The following DYNC2H1 variants were observed in gnomAD, a reference collection of about 807,000 sequenced individuals.
The protein encoded by DYNC2H1 is cytoplasmic dynein 2 heavy chain 1.
In DYNC2H1, 410 loss-of-function variants were observed where a neutral mutation model predicts 570.0. The observed-to-expected ratio is 0.72, with a 90% CI of 0.66 to 0.78. The LOEUF (loss-of-function observed/expected upper bound fraction) is 0.78, where lower values mean the gene tolerates loss of function less well. Among genes scored for constraint, DYNC2H1 ranks in the 30% least tolerant of loss-of-function variants. DYNC2H1 has a pLI of 0.00. For synonymous variants in DYNC2H1, 1,688 were observed against 1,677.6 expected (o/e 1.01, Z -0.15); for missense variants, 4,865 against 5,046.4 (o/e 0.96, Z 1.09).
intron 83 of DYNC2H1, among the ~76,000 whole-genome samples, chr11:103,362,320 C>CTTTTTTTTTTTTTTTTTTTTTT (rs879453459): frequency 4.2e-5 from 3 of 71,620 alleles, no homozygotes; most frequent in Admixed American, 1.8e-4. Flanking sequence ...TAATTTTTTT[C>CTTTTTTTTTTTTTTTTTTTTTT]TTTTTTTTTT....
intron 70 of DYNC2H1, among the ~76,000 whole-genome samples, chr11:103,270,803 T>C (rs929830565): frequency 2.6e-5 from 4 of 152,172 alleles, no homozygotes; most frequent in Non-Finnish European, 5.9e-5. Context: ...ATTTAATATC[T>C]ATGAGTTCTT....
At chr11:103,423,052 C>T (rs568437931) in intron 84 of DYNC2H1, among the ~76,000 whole-genome samples, 19 of 94,194 alleles carry the variant, frequency 2.0e-4, no homozygotes, top group African/African-American at 1.2e-3. Context: ...TACTGTAGAC[C>T]GTTTTATGAA....
At position 103,239,408 on chromosome 11, in the gene DYNC2H1, C is replaced by A. The variant is rs755266389; in HGVS notation, c.9819+2869C>A. Among the ~76,000 whole-genome samples, 1 of 152,026 alleles carries A rather than the reference C, an allele frequency of 6.6e-6. No individual in the cohort carries two copies. Among genetic ancestry groups the A allele is most frequent in the Non-Finnish European group, 1.5e-5 (1 of 68,010 alleles). ...TAATCAATACTTGCGTATTACTTAC[C>A]ATGTTGTGCATATATTACTGTTTAA... is the stretch of plus-strand genomic sequence containing the variant. On this transcript the variant is annotated intron_variant, in intron 63 of 88. Coordinates refer to ENST00000375735, the MANE Select transcript of DYNC2H1 (RefSeq NM_001377.3). The surrounding 1 kb of genome is among the most constrained non-coding windows in gnomAD (Gnocchi z 4.3).
rs369426684 is a variant in DYNC2H1 at position 103,391,498 on chromosome 11, G to C, written c.12157-8165G>C. Among the ~76,000 whole-genome samples, 3 of 152,190 alleles carry C rather than the reference G, an allele frequency of 2.0e-5. No homozygotes were observed. The East Asian group carries it at 5.8e-4, about 29-fold the overall frequency. ...GTTTGAAGCCTACTTCTCTCAACTC[G>C]TCAAAGTCATTCTCTGTCCAGCTTT... On this transcript the variant is annotated intron_variant, in intron 83 of 88. Coordinates refer to ENST00000375735, the MANE Select transcript of DYNC2H1 (RefSeq NM_001377.3).
At chr11:103,408,885 AG>A (rs1362941048) in intron 84 of DYNC2H1, among the ~76,000 whole-genome samples, 5 of 152,074 alleles carry the variant, frequency 3.3e-5, no homozygotes, top group African/African-American at 9.7e-5. Flanking sequence ...GTAATGGGTT[AG>A]GGCGAGTTTC....
chr11:103,383,092 T>C (rs1272599719), intron 83 of DYNC2H1, among the ~76,000 whole-genome samples: 6 of 152,144 alleles, frequency 3.9e-5, no homozygotes, highest in African/African-American at 4.8e-5. Flanking sequence ...TCTTCAGAAG[T>C]ACTGATGTGT....
rs1311097661 is a variant in DYNC2H1, at chr11:103,140,145, T to C, written c.2575-3123T>C. 3.3e-5 allele frequency among the ~76,000 whole-genome samples: 5 copies of C among 152,314 alleles called. No homozygotes were observed. In the East Asian group the frequency reaches 5.8e-4, roughly 18 times the overall value. On this transcript the variant is annotated intron_variant, in intron 17 of 88. Transcript: ENST00000375735. Reference sequence around the variant, plus strand: ...GATGGGTTTCCTGAATACAGCACACTGATGGGTCTTGACTCTTTATCCAAT... The same window carrying C: ...GATGGGTTTCCTGAATACAGCACACCGATGGGTCTTGACTCTTTATCCAAT...
chr11:103,424,939 T>C (rs1053660212), intron 84 of DYNC2H1, among the ~76,000 whole-genome samples: 2 of 152,200 alleles, frequency 1.3e-5, no homozygotes, highest in African/African-American at 4.8e-5. Context: ...CACAGATTTC[T>C]TGTTTTGTTT....
chr11:103,121,608 G>A (rs1406387399), intron 10 of DYNC2H1, 112 bp downstream of exon 10: 1 of 1,199,870 alleles, frequency 8.3e-7, no homozygotes, highest in South Asian at 1.9e-5. Flanking sequence ...TCCTTGGCAT[G>A]TCTGTCTAAT....
intron 83 of DYNC2H1, among the ~76,000 whole-genome samples, chr11:103,379,837 T>C (rs139035279): frequency 6.6e-4 from 100 of 152,310 alleles, no homozygotes; most frequent in Admixed American, 2.2e-3. Flanking sequence ...GCCCTCTCAG[T>C]TGTTACTTAT....
chr11:103,190,106 TC>T (rs1219283155), intron 45 of DYNC2H1, among the ~76,000 whole-genome samples: 1 of 152,172 alleles, frequency 6.6e-6, no homozygotes, highest in Non-Finnish European at 1.5e-5. Flanking sequence ...TTATCTTCTT[TC>T]CCAAAACAGA....
rs1454039533 is a variant in DYNC2H1, at chr11:103,299,722, G to A, written c.11096-3371G>A. On this transcript the variant is annotated intron_variant, in intron 75 of 88. Transcript: ENST00000375735. The surrounding 1 kb of genome is among the most constrained non-coding windows in gnomAD (Gnocchi z 4.5). ...AGCTTGGCCCACCTGAATAACACAG[G>A]ATAATCTTCTTACTTTTAGGTTCAT... 6.6e-6 allele frequency among the ~76,000 whole-genome samples: 1 copy of A among 152,058 alleles called. No individual in the cohort carries two copies. Among genetic ancestry groups the A allele is most frequent in the African/African-American group, 2.4e-5 (1 of 41,414 alleles).
chr11:103,122,541 G>A (rs546456578), intron 10 of DYNC2H1, among the ~76,000 whole-genome samples: 1 of 152,188 alleles, frequency 6.6e-6, no homozygotes, highest in African/African-American at 2.4e-5. Flanking sequence ...AATCACTGGG[G>A]CACAGATATT....
At chr11:103,429,960 A>G (rs1012848134) in intron 84 of DYNC2H1, among the ~76,000 whole-genome samples, 1 of 151,538 alleles carries the variant, frequency 6.6e-6, no homozygotes, top group Non-Finnish European at 1.5e-5. Context: ...GTGATAAGCT[A>G]GAATCAAATG....
rs184906206 is a variant in DYNC2H1 at position 103,254,833 on chromosome 11, G to A, written c.10207-582G>A. On this transcript the variant is annotated intron_variant, in intron 66 of 88. Transcript: ENST00000375735. The surrounding 1 kb of genome is among the most constrained non-coding windows in gnomAD (Gnocchi z 4.9). The stretch of plus-strand genomic sequence containing the variant: ...GTTGCCCAGGCTGGAGTGCAATGGC[G>A]CAATCTCGGCTCACTGTAACTTCTG... 4.6e-5 allele frequency among the ~76,000 whole-genome samples: 7 copies of A among 152,050 alleles called. No homozygotes were observed. The highest frequency in any genetic ancestry group is 4.2e-4 in the South Asian group (2 of 4,810).
chr11:103,242,024 A>T (rs779586768), intron 63 of DYNC2H1, among the ~76,000 whole-genome samples: 27 of 151,942 alleles, frequency 1.8e-4, no homozygotes, highest in Non-Finnish European at 3.5e-4. Flanking sequence ...GATAACCTGT[A>T]TGTTCTTATT....
chr11:103,471,129 C>T (rs570262503), intron 88 of DYNC2H1, among the ~76,000 whole-genome samples: 9 of 152,272 alleles, frequency 5.9e-5, no homozygotes, highest in African/African-American at 1.9e-4. Flanking sequence ...GAGATGGTAT[C>T]TCATTGTGGT....
chr11:103,323,991 G>A lies in DYNC2H1; in HGVS notation c.12039+1G>A. 1 of 1,576,854 alleles carries A rather than the reference G, an allele frequency of 6.3e-7. No individual in the cohort carries two copies. The highest frequency in any genetic ancestry group is 8.6e-7 in the Non-Finnish European group (1 of 1,165,928). Reference sequence around the variant, plus strand: ...ATCTCAGCGCATGATCAGTTCTCAGGTAACCTAAAAAAAAGATCTACCTTC... The same window carrying A: ...ATCTCAGCGCATGATCAGTTCTCAGATAACCTAAAAAAAAGATCTACCTTC... On this transcript the variant is annotated splice_donor_variant, in intron 82 of 88. Transcript: ENST00000375735. LOFTEE classifies it high-confidence loss of function.
chr11:103,269,166 A>G (rs1865609047), intron 70 of DYNC2H1, among the ~76,000 whole-genome samples: 1 of 152,188 alleles, frequency 6.6e-6, no homozygotes, highest in African/African-American at 2.4e-5. Flanking sequence ...TGTGAAAATC[A>G]TTTTTAAAAA....
Sources: allele counts gnomAD v4.1 joint callset (sites outside exome capture counted in the v4.1 genomes callset), GRCh38; gene constraint gnomAD v4.1.1; non-coding constraint Gnocchi (gnomAD v3.1); transcripts MANE v1.5; gene names NCBI Gene and HGNC (gene_info 2026-07-23, HGNC 2026-07-21).